GRIN2A: variants seen among roughly 807,000 people sequenced by gnomAD.
The protein encoded by GRIN2A is glutamate receptor ionotropic, NMDA 2A.
GRIN2A carries 22 observed loss-of-function variants against 113.4 expected under a neutral mutation model. The observed-to-expected ratio is 0.19, with a 90% CI of 0.14 to 0.28. The LOEUF is 0.28. Ranked by LOEUF, GRIN2A falls within the 10% of genes least tolerant of loss-of-function variation. The probability of loss-of-function intolerance (pLI) is 1.00; values close to 1 mark genes in which losing one functional copy is unlikely to be tolerated. For missense variants in GRIN2A, 1,502 were observed against 1,887.0 expected (o/e 0.80, Z 3.78); for synonymous variants, 827 against 738.4 (o/e 1.12, Z -1.94).
chr16:9,862,613 C>A lies in GRIN2A; in HGVS notation c.1123-12652G>T, dbSNP rs564361263. On this transcript the variant is annotated intron_variant, in intron 4 of 12. Transcript: ENST00000330684. ...TATAATCTTCAGTCCTCCAGAGTTC[C>A]TTTGTTGCCAGATCCCTGGGGAAAG... Among the ~76,000 whole-genome samples the A allele has an allele frequency of 8.5e-5, 13 of 152,296 alleles. No homozygotes were observed. In the East Asian group the frequency reaches 2.5e-3, roughly 29 times the overall value.
rs1044633306 is a variant in GRIN2A at position 10,069,210 on chromosome 16, C to A, written c.414+110788G>T. Among the ~76,000 whole-genome samples the A allele has an allele frequency of 2.2e-4, 34 of 152,166 alleles. 1 individual carries two copies. The highest frequency in any genetic ancestry group is 4.7e-4 in the Non-Finnish European group (32 of 68,028). ...CCAGTGGAGGCTGCTTCATCTACAG[C>A]TCCAGATGGTGATGATGGTGGTAGC... On this transcript the variant is annotated intron_variant, in intron 2 of 12. Coordinates refer to ENST00000330684, the MANE Select transcript of GRIN2A (RefSeq NM_001134407.3).
chr16:10,031,405 C>T (rs1045957808), intron 2 of GRIN2A: 7 of 152,188 alleles, frequency 4.6e-5, no homozygotes, highest in African/African-American at 1.7e-4. Context: ...AGTCTCTCGC[C>T]CTGCTTTTAA....
chr16:10,044,182 C>T (rs546104775), intron 2 of GRIN2A, among the ~76,000 whole-genome samples: 10 of 151,834 alleles, frequency 6.6e-5, no homozygotes, highest in African/African-American at 2.4e-4. Context: ...GCCTCCGTCT[C>T]GCCACCATGC....
At chr16:9,863,548 A>G (rs2043108643) in intron 4 of GRIN2A, among the ~76,000 whole-genome samples, 1 of 152,218 alleles carries the variant, frequency 6.6e-6, no homozygotes, top group Non-Finnish European at 1.5e-5. Context: ...CACTGCTACC[A>G]ACACGGACAT....
chr16:9,809,241 G>A (rs1184064628), intron 10 of GRIN2A, among the ~76,000 whole-genome samples: 2 of 152,044 alleles, frequency 1.3e-5, no homozygotes, highest in Admixed American at 6.6e-5. Flanking sequence ...GCAACATGGT[G>A]AAACCCCATC....
intron 3 of GRIN2A, among the ~76,000 whole-genome samples, chr16:9,933,172 T>G (rs2044635434): frequency 6.6e-6 from 1 of 152,218 alleles, no homozygotes. Context: ...GTGTCTTCTG[T>G]AAAATCAGGA....
intron 2 of GRIN2A, among the ~76,000 whole-genome samples, chr16:10,038,122 G>C (rs1230420293): frequency 6.6e-6 from 1 of 152,234 alleles, no homozygotes; most frequent in Non-Finnish European, 1.5e-5. Context: ...GGAAGTCCAA[G>C]ATCAAGGTGC....
At chr16:9,836,244 A>G (rs1407009283) in intron 7 of GRIN2A, among the ~76,000 whole-genome samples, 1 of 152,248 alleles carries the variant, frequency 6.6e-6, no homozygotes, top group Non-Finnish European at 1.5e-5. Flanking sequence ...CACACAATAT[A>G]CAGACAATAT....
chr16:9,972,104 T>C (rs1273942047), intron 2 of GRIN2A, among the ~76,000 whole-genome samples: 2 of 152,200 alleles, frequency 1.3e-5, no homozygotes, highest in Admixed American at 6.5e-5. Flanking sequence ...GGCATGTATA[T>C]GTAAACTCTG....
chr16:9,933,953 G>C (rs2044654760), intron 3 of GRIN2A, among the ~76,000 whole-genome samples: 1 of 152,348 alleles, frequency 6.6e-6, no homozygotes, highest in East Asian at 1.9e-4. Flanking sequence ...GCACATGTAT[G>C]TGTATTGAAA....
chr16:9,840,117 CA>C (rs1163436707), intron 7 of GRIN2A, among the ~76,000 whole-genome samples: 1 of 151,826 alleles, frequency 6.6e-6, no homozygotes, highest in East Asian at 1.9e-4. Context: ...GACTCCATCT[CA>C]AAAAAATAAA....
In GRIN2A at chr16:9,834,154, A is replaced by T. The variant is rs540499505; in HGVS notation, c.1728T>A (p.Phe576Leu). 1 of 1,613,770 alleles carries T rather than the reference A, an allele frequency of 6.2e-7. No homozygotes were observed. The highest frequency in any genetic ancestry group is 8.5e-7 in the Non-Finnish European group (1 of 1,179,632). ...LIVSAIAVFV[F>L]EYFSPVGYNR... is the part of the protein sequence containing the mutation. Reference sequence around the variant, plus strand: ...TGTATCCAACAGGGCTGAAGTATTCAAAGACAAAAACAGCTATGGCAGAAA... The same window carrying T: ...TGTATCCAACAGGGCTGAAGTATTCTAAGACAAAAACAGCTATGGCAGAAA... The change falls in exon 8 of 13, where the codon TTT becomes TTA. Residue 576 changes from phenylalanine to leucine, a missense_variant. Physicochemically the swap from Phe to Leu is conservative, Grantham distance 22 (BLOSUM62 0). Transcript: ENST00000330684.
chr16:10,036,191 G>GTAT (rs2047021920), intron 2 of GRIN2A, among the ~76,000 whole-genome samples: 1 of 152,116 alleles, frequency 6.6e-6, no homozygotes, highest in African/African-American at 2.4e-5. Context: ...TGTGTGATTG[G>GTAT]TATTAGCATT....
At chr16:9,867,940 T>C (rs1366628368) in intron 4 of GRIN2A, among the ~76,000 whole-genome samples, 1 of 152,088 alleles carries the variant, frequency 6.6e-6, no homozygotes, top group Non-Finnish European at 1.5e-5. Flanking sequence ...TCAAACTCAG[T>C]AGGCTTAGAG....
At chr16:9,860,338 C>T (rs780086564) in intron 4 of GRIN2A, among the ~76,000 whole-genome samples, 1 of 148,952 alleles carries the variant, frequency 6.7e-6, no homozygotes, top group African/African-American at 2.5e-5. Flanking sequence ...ATCCCAGCTA[C>T]TCGGGAAGTT....
chr16:10,163,177 G>A (rs959301568), intron 2 of GRIN2A, among the ~76,000 whole-genome samples: 9 of 152,194 alleles, frequency 5.9e-5, no homozygotes, highest in Admixed American at 2.6e-4. Context: ...TGGGAGTGGG[G>A]AGTGGGCGGT....
chr16:10,125,718 G>C (rs1351603014), intron 2 of GRIN2A, among the ~76,000 whole-genome samples: 2 of 151,888 alleles, frequency 1.3e-5, no homozygotes, highest in Admixed American at 6.6e-5. Context: ...GGATGGCCCA[G>C]GGGAAGAGGC....
intron 2 of GRIN2A, among the ~76,000 whole-genome samples, chr16:9,976,312 C>A (rs1188311123): frequency 1.3e-5 from 2 of 152,108 alleles, no homozygotes; most frequent in Admixed American, 1.3e-4. Flanking sequence ...TCTCATTTAC[C>A]TGAGGTGATA....
chr16:9,998,284 G>C (rs957939110), intron 2 of GRIN2A, among the ~76,000 whole-genome samples: 17 of 152,248 alleles, frequency 1.1e-4, no homozygotes, highest in Middle Eastern at 3.4e-3. Flanking sequence ...CATGATAAAC[G>C]ACAGGAGCCA....
Sources: gnomAD v4.1 joint callset for allele counts (sites outside exome capture counted in the v4.1 genomes callset) on GRCh38, gnomAD v4.1.1 for gene constraint, MANE v1.5 for transcripts, NCBI Gene and HGNC (gene_info 2026-07-23, HGNC 2026-07-21) for gene names.